The following FAM81A variants were observed in gnomAD, a reference collection of about 807,000 sequenced individuals.
The protein encoded by FAM81A is protein FAM81A.
Under a neutral mutation model 46.7 loss-of-function variants are expected in FAM81A, and 19 were observed. The observed-to-expected ratio is 0.41, with a 90% CI of 0.28 to 0.60. FAM81A has a LOEUF of 0.60. Among genes scored for constraint, FAM81A ranks in the 20% least tolerant of loss-of-function variants. The pLI is 0.34. For missense variants in FAM81A, 377 were observed against 453.5 expected (o/e 0.83, Z 1.53); for synonymous variants, 183 against 152.9 (o/e 1.20, Z -1.45).
intron 3 of FAM81A, among the ~76,000 whole-genome samples, chr15:59,465,612 G>T (rs562052850): frequency 6.6e-6 from 1 of 152,016 alleles, no homozygotes; most frequent in Non-Finnish European, 1.5e-5. Context: ...GTCTATTCGC[G>T]GTCTTTTGTG....
At position 59,507,203 on chromosome 15, in the gene FAM81A, G is replaced by T. The variant is rs762296042; in HGVS notation, c.414-10G>T. 5.6e-6 allele frequency: 9 copies of T among 1,607,248 alleles called. No homozygotes were observed. The highest frequency in any genetic ancestry group is 7.6e-6 in the Non-Finnish European group (9 of 1,176,764). On this transcript the variant is annotated splice_polypyrimidine_tract_variant and intron_variant, in intron 4 of 8. Coordinates refer to ENST00000288228, the MANE Select transcript of FAM81A (RefSeq NM_152450.3). Reference sequence around the variant, plus strand: ...TTAATAAGAATCAGCTTTGTTCTTTGTCTGGACAGATGTGATGCCAGCATA... The same window carrying T: ...TTAATAAGAATCAGCTTTGTTCTTTTTCTGGACAGATGTGATGCCAGCATA...
intron 2 of FAM81A, among the ~76,000 whole-genome samples, chr15:59,427,517 T>A (rs2081200445): frequency 6.6e-6 from 1 of 152,166 alleles, no homozygotes; most frequent in Non-Finnish European, 1.5e-5. Context: ...TCTGTTTTTT[T>A]AATACTCATT....
In FAM81A at chr15:59,514,274, AT is replaced by A. The variant is rs747487795; in HGVS notation, c.651-3del. On this transcript the variant is annotated splice_polypyrimidine_tract_variant and intron_variant, in intron 6 of 8. Transcript: ENST00000288228. ...TAAACTGTTTTACATCTAACTTGCA[AT>A]TTTTTTTTTTTAGATTTAAAGGTAC... 0.038 allele frequency: 36,830 copies of A among 964,164 alleles called. No individual in the cohort carries two copies. Among genetic ancestry groups the A allele is most frequent in the South Asian group, 0.068 (3,606 of 52,724 alleles). 59.7% of individuals were successfully genotyped at this position (964,164 alleles called of 1,614,324 possible).
At chr15:59,405,674 C>T (rs1338690651) in intron 2 of FAM81A, among the ~76,000 whole-genome samples, 1 of 152,008 alleles carries the variant, frequency 6.6e-6, no homozygotes, top group African/African-American at 2.4e-5. Context: ...ATTGCTACTA[C>T]TTCATCCTGT....
chr15:59,414,498 G>A (rs1227514019), intron 2 of FAM81A, among the ~76,000 whole-genome samples: 3 of 152,206 alleles, frequency 2.0e-5, no homozygotes, highest in Non-Finnish European at 2.9e-5. Flanking sequence ...GAGGAGGTAT[G>A]TAGGCAATTT....
chr15:59,414,943 G>C (rs1216480043), intron 2 of FAM81A, among the ~76,000 whole-genome samples: 4 of 151,518 alleles, frequency 2.6e-5, no homozygotes, highest in Non-Finnish European at 5.9e-5. Flanking sequence ...AGCCTCCCAA[G>C]TAGCTGGGAC....
chr15:59,497,917 G>A (rs1035043067), intron 4 of FAM81A, among the ~76,000 whole-genome samples: 2 of 152,154 alleles, frequency 1.3e-5, no homozygotes, highest in East Asian at 1.9e-4. Context: ...GAGTGCAGTG[G>A]CATGATCACA....
chr15:59,507,429 A>G (rs2082161360), intron 5 of FAM81A, 87 bp downstream of exon 5: 3 of 1,513,744 alleles, frequency 2.0e-6, no homozygotes, highest in Non-Finnish European at 2.7e-6. Flanking sequence ...TTACAGGAGA[A>G]ACCAGCTGGG....
At chr15:59,519,591 TTCCCC>T (rs766575554) in intron 8 of FAM81A, among the ~76,000 whole-genome samples, 90 of 147,090 alleles carry the variant, frequency 6.1e-4, no homozygotes, top group African/African-American at 2.1e-3. Flanking sequence ...TTCCTTTCCC[TTCCCC>T]TCCCCTCCCC....
chr15:59,494,099 CG>C (rs781033981), intron 4 of FAM81A, among the ~76,000 whole-genome samples: 1 of 152,114 alleles, frequency 6.6e-6, no homozygotes, highest in Non-Finnish European at 1.5e-5. Flanking sequence ...GTGCCTGGAA[CG>C]GTCTCTGGAA....
At chr15:59,435,494 T>C (rs1301122644), upstream of FAM81A, among the ~76,000 whole-genome samples, 7 of 151,722 alleles carry the variant, frequency 4.6e-5, no homozygotes, top group African/African-American at 1.7e-4. Flanking sequence ...GTGGCGTACG[T>C]CTGTAGTCCC....
intron 1 of FAM81A, among the ~76,000 whole-genome samples, chr15:59,447,236 A>G (rs1220329439): frequency 6.6e-6 from 1 of 152,224 alleles, no homozygotes; most frequent in East Asian, 1.9e-4. Flanking sequence ...TGTACAGTTG[A>G]AAAAATGTCA....
At chr15:59,412,707 A>T (rs1361041206) in intron 2 of FAM81A, among the ~76,000 whole-genome samples, 1 of 89,994 alleles carries the variant, frequency 1.1e-5, no homozygotes, top group Admixed American at 1.5e-4. Flanking sequence ...AGCCTGGGTG[A>T]CCCTGTCACA....
At chr15:59,492,243 C>T in intron 3 of FAM81A, 28 bp from the exon 4 acceptor site, 1 of 1,530,898 alleles carries the variant, frequency 6.5e-7, no homozygotes, top group African/African-American at 1.4e-5. Context: ...TCTTAGATGA[C>T]TCCCTTAGTG....
intron 3 of FAM81A, among the ~76,000 whole-genome samples, chr15:59,487,715 A>G (rs1389937663): frequency 6.6e-6 from 1 of 152,190 alleles, no homozygotes; most frequent in Non-Finnish European, 1.5e-5. Context: ...GAAGAAATCC[A>G]AAACCTGAAC....
intron 6 of FAM81A, among the ~76,000 whole-genome samples, chr15:59,512,098 CATGA>C (rs1324581700): frequency 5.9e-5 from 9 of 152,162 alleles, no homozygotes; most frequent in Admixed American, 1.3e-4. Context: ...TACAAATCAG[CATGA>C]ATGAATCTCA....
At chr15:59,459,669 A>C (rs189938185) in intron 2 of FAM81A, among the ~76,000 whole-genome samples, 99 of 151,748 alleles carry the variant, frequency 6.5e-4, no homozygotes, top group Middle Eastern at 3.4e-3. Context: ...TTGGGGAGAC[A>C]TCTCGGTGTA....
chr15:59,491,392 G>T (rs1008475718), intron 3 of FAM81A, among the ~76,000 whole-genome samples: 2 of 152,082 alleles, frequency 1.3e-5, no homozygotes, highest in Non-Finnish European at 2.9e-5. Context: ...CGGAGATAGA[G>T]AGTAGAATGA....
chr15:59,421,853 G>T (rs2081174636), intron 2 of FAM81A, among the ~76,000 whole-genome samples: 1 of 149,630 alleles, frequency 6.7e-6, no homozygotes, highest in South Asian at 2.1e-4. Flanking sequence ...CTTGGGGACA[G>T]ATTAAACCCT....
Sources: allele counts gnomAD v4.1 joint callset (sites outside exome capture counted in the v4.1 genomes callset), GRCh38; gene constraint gnomAD v4.1.1; transcripts MANE v1.5; gene names NCBI Gene and HGNC (gene_info 2026-07-23, HGNC 2026-07-21).